Variants in RFC1 observed in about 807,000 individuals in gnomAD.
The protein encoded by RFC1 is A1 140 kDa subunit.
Under a neutral mutation model 137.4 loss-of-function variants are expected in RFC1, and 37 were observed. That is an observed-to-expected ratio of 0.27 (90% CI 0.21 to 0.35). The LOEUF is 0.35. Among genes scored for constraint, RFC1 ranks in the 10% least tolerant of loss-of-function variants. RFC1 has a pLI of 1.00. For missense variants in RFC1, 1,205 were observed against 1,358.5 expected, an observed-to-expected ratio of 0.89 and a Z score of 1.78; for synonymous variants, 429 against 455.7, an observed-to-expected ratio of 0.94 and a Z score of 0.75.
chr4:39,336,738 TG>T (rs1413071857), intron 4 of RFC1, among the ~76,000 whole-genome samples: 14 of 152,248 alleles, frequency 9.2e-5, no homozygotes. Context: ...ATATCACCCT[TG>T]GTTGAGAAAC....
At chr4:39,362,797 A>G (rs930207174) in intron 1 of RFC1, among the ~76,000 whole-genome samples, 2 of 152,250 alleles carry the variant, frequency 1.3e-5, no homozygotes, top group African/African-American at 4.8e-5. Context: ...AGAAAATAGC[A>G]ACAAAAGCCC....
Position 39,288,597 on chromosome 4 carries a change from G to T in RFC1, c.*164C>A. On this transcript the variant is annotated 3_prime_UTR_variant, in exon 25 of 25. Coordinates refer to ENST00000349703, the MANE Select transcript of RFC1 (RefSeq NM_002913.5). ...TATAAGAGGTGTACATAAGCCTACTGCTCATACCCTTCTAGCCATACCACC... is the reference window on the plus strand; with the variant it reads ...TATAAGAGGTGTACATAAGCCTACTTCTCATACCCTTCTAGCCATACCACC... 1 of 614,716 alleles carries T rather than the reference G, an allele frequency of 1.6e-6. No homozygotes were observed. The allele number at this position is 614,716 out of a possible 1,614,324, so 38.1% of individuals were successfully genotyped here.
At chr4:39,313,106 A>G (rs1237341240) in intron 10 of RFC1, among the ~76,000 whole-genome samples, 175 bp from the exon 11 acceptor site, 2 of 152,226 alleles carry the variant, frequency 1.3e-5, no homozygotes, top group Non-Finnish European at 2.9e-5. Context: ...TTAGATCCTA[A>G]GAAATTTTGA....
chr4:39,343,465 C>T (rs752090737), intron 3 of RFC1, among the ~76,000 whole-genome samples: 1 of 152,182 alleles, frequency 6.6e-6, no homozygotes, highest in Non-Finnish European at 1.5e-5. Context: ...ATTCTGTCTA[C>T]CACAGCCTAA....
At chr4:39,310,350 A>T (rs1738906563) in intron 12 of RFC1, among the ~76,000 whole-genome samples, 1 of 152,222 alleles carries the variant, frequency 6.6e-6, no homozygotes, top group African/African-American at 2.4e-5. Context: ...GGTTCGAAAA[A>T]TATGTACAGG....
At chr4:39,302,676 T>A in intron 17 of RFC1, 61 bp downstream of exon 17, 1 of 1,512,968 alleles carries the variant, frequency 6.6e-7, no homozygotes, top group Non-Finnish European at 8.9e-7. Context: ...CAGGTACTTT[T>A]AAAAATTGAC....
intron 1 of RFC1, among the ~76,000 whole-genome samples, chr4:39,354,046 C>G (rs1002958449): frequency 6.6e-6 from 1 of 152,154 alleles, no homozygotes; most frequent in Non-Finnish European, 1.5e-5. Flanking sequence ...TTCCTCCCTA[C>G]GTAATTATTT....
At chr4:39,303,001 A>C in intron 16 of RFC1, 59 bp downstream of exon 16, 1 of 1,494,596 alleles carries the variant, frequency 6.7e-7, no homozygotes. Context: ...GAGAATGACA[A>C]TGTTCTAACA....
intron 11 of RFC1, 141 bp from the exon 12 acceptor site, chr4:39,311,690 A>G: frequency 1.7e-6 from 1 of 578,626 alleles, no homozygotes; most frequent in South Asian, 2.4e-5. Flanking sequence ...ATTAAAAAAG[A>G]AAAACAAAAA....
intron 10 of RFC1, among the ~76,000 whole-genome samples, chr4:39,316,137 G>A (rs1347005125): frequency 6.6e-6 from 1 of 152,216 alleles, no homozygotes; most frequent in Non-Finnish European, 1.5e-5. Context: ...GGCTGAGGCA[G>A]GAGAATCGCT....
intron 2 of RFC1, among the ~76,000 whole-genome samples, chr4:39,346,864 T>C (rs961365018): frequency 3.3e-5 from 5 of 152,168 alleles, no homozygotes; most frequent in Non-Finnish European, 7.3e-5. Context: ...TCTGGCTATC[T>C]CCTGAATTAT....
Position 39,323,371 on chromosome 4 carries a change from G to T in RFC1, c.689C>A (p.Ala230Asp), listed in dbSNP as rs1560606115. The change falls in exon 7 of 25, where the codon GCC becomes GAC. Residue 230 changes from alanine to aspartate, a missense_variant. Physicochemically the swap from Ala to Asp is moderately radical, Grantham distance 126 (BLOSUM62 -2). Around this residue, in one of 3 missense-constraint regions of RFC1, gnomAD observed 962 missense variants for 1,035.3 expected, o/e 0.93. Transcript: ENST00000349703. ...HEDEEFARTL[A>D]MLDEEPKTKK... is the part of the protein sequence containing the mutation. The stretch of plus-strand genomic sequence containing the variant: ...GGTCTTGGGTTCTTCATCCAACATG[G>T]CTAATGTTCTGGCAAACTCTTCATC... The T allele has an allele frequency of 1.2e-6, 2 of 1,613,910 alleles. No individual in the cohort carries two copies. Among genetic ancestry groups the T allele is most frequent in the African/African-American group, 2.7e-5 (2 of 74,914 alleles).
intron 4 of RFC1, among the ~76,000 whole-genome samples, chr4:39,338,626 G>T (rs890708679): frequency 7.2e-5 from 11 of 152,118 alleles, no homozygotes; most frequent in Non-Finnish European, 1.6e-4. Context: ...TTTGAAATCG[G>T]TGTTGTTAAA....
chr4:39,291,571 T>G lies in RFC1; in HGVS notation c.3168+68A>C, dbSNP rs895744302. The G allele has an allele frequency of 2.0e-5, 22 of 1,111,024 alleles. No homozygotes were observed. The African/African-American group carries it at 3.4e-4, about 17-fold the overall frequency. The allele number at this position is 1,111,024 out of a possible 1,614,324, so 68.8% of individuals were successfully genotyped here. ...TAAATCTTAAAGCATCTAAAACACCTCCGAAGTATTGTCAGTACAAACCTG... is the reference window on the plus strand; with the variant it reads ...TAAATCTTAAAGCATCTAAAACACCGCCGAAGTATTGTCAGTACAAACCTG... On this transcript the variant is annotated intron_variant, in intron 23 of 24. Coordinates refer to ENST00000349703, the MANE Select transcript of RFC1 (RefSeq NM_002913.5).
At chr4:39,358,308 C>A (rs533813206) in intron 1 of RFC1, among the ~76,000 whole-genome samples, 1 of 152,132 alleles carries the variant, frequency 6.6e-6, no homozygotes, top group South Asian at 2.1e-4. Flanking sequence ...TGAAAATAGA[C>A]CTACAACATA....
intron 10 of RFC1, among the ~76,000 whole-genome samples, chr4:39,315,465 A>G (rs1739192320): frequency 6.6e-6 from 1 of 152,058 alleles, no homozygotes; most frequent in Non-Finnish European, 1.5e-5. Flanking sequence ...GATGCTATTA[A>G]TCCCTTCATG....
rs1738404010 is a variant in RFC1 at position 39,302,353 on chromosome 4, C to G, written c.2460G>C (p.Trp820Cys). Reference sequence around the variant, plus strand: ...AGGTTAATGCTTTACTTCGTGCACACCACATACTCAGATTATGTAAAACCT... The same window carrying G: ...AGGTTAATGCTTTACTTCGTGCACAGCACATACTCAGATTATGTAAAACCT... ...IRQVLHNLSM[W>C]CARSKALTYD... Residue 820 changes from tryptophan to cysteine, a missense_variant, in exon 19 of 25, where the codon TGG becomes TGC. Around this residue, in one of 3 missense-constraint regions of RFC1, gnomAD observed 962 missense variants for 1,035.3 expected, o/e 0.93. Coordinates refer to ENST00000349703, the MANE Select transcript of RFC1 (RefSeq NM_002913.5). 2.5e-6 allele frequency: 4 copies of G among 1,612,814 alleles called. No individual in the cohort carries two copies. The highest frequency in any genetic ancestry group is 3.4e-6 in the Non-Finnish European group (4 of 1,178,870).
chr4:39,309,529 G>A (rs1185096398), intron 12 of RFC1, among the ~76,000 whole-genome samples: 1 of 152,198 alleles, frequency 6.6e-6, no homozygotes, highest in Admixed American at 6.5e-5. Context: ...CTACAACCCA[G>A]GTCAACCTTG....
intron 21 of RFC1, among the ~76,000 whole-genome samples, chr4:39,296,593 G>C (rs944301785): frequency 1.3e-5 from 2 of 151,158 alleles, no homozygotes; most frequent in African/African-American, 2.4e-5. Context: ...CATCATTTTT[G>C]ATGGCTGCAT....
Sources: allele counts gnomAD v4.1 joint callset (sites outside exome capture counted in the v4.1 genomes callset), GRCh38; gene constraint gnomAD v4.1.1; regional missense constraint gnomAD v4.1.1; transcripts MANE v1.5; gene names NCBI Gene and HGNC (gene_info 2026-07-23, HGNC 2026-07-21).